The following PELP1 variants were observed in gnomAD, a reference collection of about 807,000 sequenced individuals.
The protein encoded by PELP1 is proline-, glutamic acid- and leucine-rich protein 1.
In PELP1, 32 loss-of-function variants were observed where a neutral mutation model predicts 95.5. That is an observed-to-expected ratio of 0.34 (90% CI 0.25 to 0.45). The LOEUF (loss-of-function observed/expected upper bound fraction) is 0.45, where lower values mean the gene tolerates loss of function less well. Among genes scored for constraint, PELP1 ranks in the 20% least tolerant of loss-of-function variants. PELP1 has a pLI of 1.00. For synonymous variants in PELP1, 668 were observed against 600.1 expected (o/e 1.11, Z -1.65); for missense variants, 1,358 against 1,444.8 (o/e 0.94, Z 0.97).
rs766974785 is a variant in PELP1 at position 4,675,873 on chromosome 17, C to A, written c.992G>T (p.Gly331Val). 1.9e-6 allele frequency: 3 copies of A among 1,591,896 alleles called. No homozygotes were observed. The South Asian group carries it at 3.4e-5, about 18-fold the overall frequency. The change falls in exon 9 of 17, where the codon GGA becomes GTA. Residue 331 changes from glycine (G) to valine (V), a missense_variant. This residue lies in a region of PELP1 where 538 missense variants were observed against 628.1 expected (regional missense o/e 0.86). Coordinates refer to ENST00000572293, the MANE Select transcript of PELP1 (RefSeq NM_014389.3). The surrounding 1 kb of genome is among the most constrained non-coding windows in gnomAD (Gnocchi z 4.3). ...CTGCACAGGGACGGACACGGGAGCT[C>A]CAAACTCAGAGCTAAAGAGAATCAG... The part of the protein sequence containing the change: ...CLGLMLSSEF[G>V]APVSVPVQEI...
In PELP1 at chr17:4,703,947, C is replaced by A; in HGVS notation, c.165G>T (p.Pro55=). 2.5e-6 allele frequency: 4 copies of A among 1,613,606 alleles called. No individual in the cohort carries two copies. Among genetic ancestry groups the A allele is most frequent in the Non-Finnish European group, 3.4e-6 (4 of 1,179,740 alleles). The stretch of plus-strand genomic sequence containing the variant: ...GGGCCGAGCGGTTTGGGGGATGCAC[C>A]GGAGCAACGGCAGACCCCGTTCGAG... The part of the protein sequence containing the change: ...LQPRTGSAVA[P]VHPPNRSAPH... Residue 55 remains proline (P), a synonymous_variant, in exon 1 of 17, where the codon CCG becomes CCT. Coordinates refer to ENST00000572293, the MANE Select transcript of PELP1 (RefSeq NM_014389.3).
intron 3 of PELP1, among the ~76,000 whole-genome samples, chr17:4,685,806 C>T: frequency 3.8e-5 from 1 of 26,066 alleles, no homozygotes; most frequent in Admixed American, 3.6e-4. Flanking sequence ...AAAAAAAGAA[C>T]AAAAAAAGGG....
chr17:4,671,239 C>A lies in PELP1; in HGVS notation c.*200G>T, dbSNP rs896649197. 4.2e-5 allele frequency: 25 copies of A among 597,350 alleles called. No individual in the cohort carries two copies. Among genetic ancestry groups the A allele is most frequent in the African/African-American group, 4.1e-4 (22 of 53,894 alleles). 37.0% of individuals were successfully genotyped at this position (597,350 alleles called of 1,614,324 possible). A position where few individuals can be genotyped will look rare whatever the true frequency, so the allele number is the denominator to read the frequency against. On this transcript the variant is annotated 3_prime_UTR_variant, in exon 17 of 17. Transcript: ENST00000572293. ...CTGAGTGATGGGACAGTCCATTACA[C>A]CAATGTCAGTTGTTCCTCTCTGGAT...
In PELP1 at chr17:4,669,878, ATCTT is replaced by A. The variant is rs767685781; in HGVS notation, c.*1557_*1560del. The stretch of plus-strand genomic sequence containing the variant: ...CAGGATTGTGCAGAAAAACATTCTT[ATCTT>A]AGAAGATAATTCATGTTAAAGAATC... On this transcript the variant is annotated 3_prime_UTR_variant, in exon 17 of 17. Transcript: ENST00000572293. 1 of 152,184 alleles carries A rather than the reference ATCTT, an allele frequency of 6.6e-6. No homozygotes were observed. Among genetic ancestry groups the A allele is most frequent in the Non-Finnish European group, 1.5e-5 (1 of 68,026 alleles). The allele number at this position is 152,184 out of a possible 1,614,324, so 9.4% of individuals were successfully genotyped here.
At chr17:4,685,192 T>C (rs1912861438) in intron 3 of PELP1, among the ~76,000 whole-genome samples, 3 of 152,152 alleles carry the variant, frequency 2.0e-5, no homozygotes, top group African/African-American at 7.2e-5. Flanking sequence ...ACTATGGTCT[T>C]ACCACCCGTG....
rs1013455502 is a variant in PELP1, at chr17:4,682,946, C to A, written c.427G>T (p.Asp143Tyr). The change falls in exon 4 of 17, where the codon GAC becomes TAC. Residue 143 changes from aspartate (D) to tyrosine (Y), a missense_variant. By Grantham distance (160) the Asp-to-Tyr change is radical. Transcript: ENST00000572293. ...GCCAGCTCCATTGTGGCAGGCGGGT[C>A]CTGGGTCTAAAGAAAAAAATAATGT... ...RSIQQVLQTQ[D>Y]PPATMELAVA... 1.4e-6 allele frequency: 2 copies of A among 1,394,324 alleles called. No homozygotes were observed. Among genetic ancestry groups the A allele is most frequent in the Non-Finnish European group, 1.9e-6 (2 of 1,078,930 alleles). 86.4% of individuals were successfully genotyped at this position (1,394,324 alleles called of 1,614,324 possible). A position where few individuals can be genotyped will look rare whatever the true frequency, so the allele number is the denominator to read the frequency against.
chr17:4,690,962 C>T lies in PELP1; in HGVS notation c.346G>A (p.Val116Ile), dbSNP rs778536878. The change falls in exon 3 of 17, where the codon GTA becomes ATA. Residue 116 changes from valine to isoleucine, a missense_variant. Transcript: ENST00000572293. ...AATAGCTCTGTGGGGCTCTCCCCTACCAGCAGGGACAGCAGACACAGGCCC... is the reference window on the plus strand; with the variant it reads ...AATAGCTCTGTGGGGCTCTCCCCTATCAGCAGGGACAGCAGACACAGGCCC... ...FEGLCLLSLL[V>I]GESPTELFQQ... 7.4e-6 allele frequency: 12 copies of T among 1,613,688 alleles called. No individual in the cohort carries two copies. The East Asian group carries it at 2.0e-4, about 27-fold the overall frequency.
chr17:4,685,696 TG>T (rs1912883616), intron 3 of PELP1, among the ~76,000 whole-genome samples: 1 of 146,266 alleles, frequency 6.8e-6, no homozygotes, highest in Non-Finnish European at 1.5e-5. Flanking sequence ...GTGGGTGCGG[TG>T]GGGGGTACTG....
In PELP1 at chr17:4,675,617, A is replaced by C. The variant is rs752427379; in HGVS notation, c.1068+180T>G. On this transcript the variant is annotated intron_variant, in intron 9 of 16. Coordinates refer to ENST00000572293, the MANE Select transcript of PELP1 (RefSeq NM_014389.3). This position sits in a 1 kb window ranked among gnomAD's most constrained non-coding sequence, Gnocchi z 4.3. ...CCTCCCCCAAGGAAGCATTTGCTAC[A>C]CTCTGACACTGTGCTCCTGTGTCAC... The C allele has an allele frequency of 2.1e-4, 152 of 715,434 alleles. No individual in the cohort carries two copies. The highest frequency in any genetic ancestry group is 3.5e-4 in the Non-Finnish European group (138 of 391,040). The allele number at this position is 715,434 out of a possible 1,614,324, so 44.3% of individuals were successfully genotyped here.
Position 4,691,478 on chromosome 17 carries a change from G to A in PELP1, c.250-36C>T, listed in dbSNP as rs374041157. Reference sequence around the variant, plus strand: ...GAAAACAGGGAAGCGAGTCACAAACGGGATGTTAAAAATGCAGAAGATTCT... The same window carrying A: ...GAAAACAGGGAAGCGAGTCACAAACAGGATGTTAAAAATGCAGAAGATTCT... On this transcript the variant is annotated intron_variant, in intron 1 of 16. Transcript: ENST00000572293. 52 of 1,541,860 alleles carry A rather than the reference G, an allele frequency of 3.4e-5. No homozygotes were observed. In the African/African-American group the frequency reaches 4.3e-4, roughly 13 times the overall value.
In PELP1 at chr17:4,691,013, T is replaced by A. The variant is rs181008609; in HGVS notation, c.315-20A>T. The stretch of plus-strand genomic sequence containing the variant: ...TCAAACCTTCAAAGAAAGAAGAGAG[T>A]CATGTTAAGTGGGCGGAGGCTAGAC... On this transcript the variant is annotated intron_variant, in intron 2 of 16. Coordinates refer to ENST00000572293, the MANE Select transcript of PELP1 (RefSeq NM_014389.3). 18 of 1,546,894 alleles carry A rather than the reference T, an allele frequency of 1.2e-5. No individual in the cohort carries two copies. The East Asian group carries it at 3.8e-4, about 33-fold the overall frequency.
At chr17:4,701,324 T>TGG (rs112069128) in intron 1 of PELP1, among the ~76,000 whole-genome samples, 7,084 of 129,038 alleles carry the variant, frequency 0.055, 348 homozygotes, top group East Asian at 0.21. Flanking sequence ...GGATGAGAGT[T>TGG]GGGGGGGTGG....
intron 1 of PELP1, among the ~76,000 whole-genome samples, chr17:4,693,918 C>T (rs980447170): frequency 6.6e-6 from 1 of 152,048 alleles, no homozygotes; most frequent in African/African-American, 2.4e-5. Context: ...AAGTTTTAGC[C>T]GGGCACAATG....
chr17:4,699,925 CAG>C (rs1913454091), intron 1 of PELP1, among the ~76,000 whole-genome samples: 1 of 64,204 alleles, frequency 1.6e-5, no homozygotes, highest in Admixed American at 2.4e-4. Flanking sequence ...TTTTTTGAGA[CAG>C]AGTTTCACTC....
intron 3 of PELP1, among the ~76,000 whole-genome samples, chr17:4,686,957 C>T (rs907796173): frequency 6.6e-6 from 1 of 152,198 alleles, no homozygotes; most frequent in African/African-American, 2.4e-5. Flanking sequence ...CCCCAGTCTT[C>T]CTATCTCCCC....
Position 4,704,035 on chromosome 17 carries a change from G to A in PELP1, c.77C>T (p.Ala26Val). 6.2e-7 allele frequency: 1 copy of A among 1,612,874 alleles called. No individual in the cohort carries two copies. Among genetic ancestry groups the A allele is most frequent in the Non-Finnish European group, 8.5e-7 (1 of 1,179,692 alleles). The part of the protein sequence containing the change: ...GVPGGTGGLS[A>V]VSSGPRLRLL... ...GCGGAGCCGCGGGCCCGAGCTCACTGCCGAGAGACCCCCGGTCCCGCCAGG... is the reference window on the plus strand; with the variant it reads ...GCGGAGCCGCGGGCCCGAGCTCACTACCGAGAGACCCCCGGTCCCGCCAGG... The change falls in exon 1 of 17, where the codon GCA (alanine) becomes GTA (valine). Residue 26 changes from alanine (A) to valine (V), a missense_variant. Ala to Val is a moderately conservative substitution (Grantham distance 64). This residue lies in a region of PELP1 where 169 missense variants were observed against 134.9 expected (regional missense o/e 1.25). Coordinates refer to ENST00000572293, the MANE Select transcript of PELP1 (RefSeq NM_014389.3).
At position 4,672,373 on chromosome 17, in the gene PELP1, G is replaced by A; in HGVS notation, c.2618C>T (p.Ala873Val). Residue 873 changes from alanine to valine, a missense_variant, in exon 16 of 17, where the codon GCC becomes GTC. By Grantham distance (64) the Ala-to-Val change is moderately conservative. Around this residue, in one of 7 missense-constraint regions of PELP1, gnomAD observed 340 missense variants for 322.9 expected, o/e 1.05. Transcript: ENST00000572293. The part of the protein sequence containing the change: ...EGTPGGGGPP[A>V]LEEDLTVINI... The stretch of plus-strand genomic sequence containing the variant: ...AATAACTGTCAAATCCTCTTCCAGG[G>A]CTGGGGGTCCTCCCCCACCAGGAGT... The A allele has an allele frequency of 6.4e-7, 1 of 1,554,026 alleles. No homozygotes were observed. Among genetic ancestry groups the A allele is most frequent in the East Asian group, 2.4e-5 (1 of 41,416 alleles).
At chr17:4,696,137 G>A (rs903595376) in intron 1 of PELP1, among the ~76,000 whole-genome samples, 1 of 151,748 alleles carries the variant, frequency 6.6e-6, no homozygotes, top group African/African-American at 2.4e-5. Flanking sequence ...AGATCAGCCT[G>A]TGCAACCGAG....
intron 5 of PELP1, among the ~76,000 whole-genome samples, chr17:4,681,529 C>T (rs942010297): frequency 4.0e-5 from 6 of 150,652 alleles, no homozygotes; most frequent in Admixed American, 1.3e-4. Flanking sequence ...TGGCCAGGCG[C>T]AGTAGCTAAT....
Sources: allele counts gnomAD v4.1 joint callset (sites outside exome capture counted in the v4.1 genomes callset), GRCh38; gene constraint gnomAD v4.1.1; regional missense constraint gnomAD v4.1.1; non-coding constraint Gnocchi (gnomAD v3.1); transcripts MANE v1.5; gene names NCBI Gene and HGNC (gene_info 2026-07-23, HGNC 2026-07-21).